ADGRG4: variants seen among roughly 807,000 people sequenced by gnomAD.
ADGRG4 encodes G protein-coupled receptor 112.
A neutral mutation model predicts 126.2 loss-of-function variants in ADGRG4; 122 were observed. That is an observed-to-expected ratio of 0.97 (90% CI 0.83 to 1.12). The LOEUF is 1.12. Among genes scored for constraint, ADGRG4 ranks in the 50% most tolerant of loss-of-function variants. The probability of loss-of-function intolerance (pLI) is 0.00; values close to 1 mark genes in which losing one functional copy is unlikely to be tolerated. For synonymous variants in ADGRG4, 943 were observed against 838.7 expected (o/e 1.12, Z -2.15); for missense variants, 2,481 against 2,251.8 (o/e 1.10, Z -2.06).
intron 5 of ADGRG4, among the ~76,000 whole-genome samples, chrX:136,333,453 C>A (rs1376127395): frequency 1.8e-5 from 2 of 110,970 alleles, no homozygotes; most frequent in Non-Finnish European, 1.9e-5. Flanking sequence ...TTGGGTATAT[C>A]TTTTGCAAAT....
At position 136,359,292 on chromosome X, in the gene ADGRG4, T is replaced by C. The variant is rs780275117; in HGVS notation, c.6981T>C (p.Ser2327=). 3.8e-5 allele frequency: 46 copies of C among 1,198,791 alleles called. No homozygotes were observed. The highest frequency in any genetic ancestry group is 4.7e-5 in the Non-Finnish European group (42 of 890,125). ...CTTTCTTTTTTATTCTGCTTTGTAGTTGTGTTTGTCAGGTCATCATAAAAG... is the reference window on the plus strand; with the variant it reads ...CTTTCTTTTTTATTCTGCTTTGTAGCTGTGTTTGTCAGGTCATCATAAAAG... ...EMATISYVPY[S]CVCQVIIKAS... is the part of the protein sequence containing the mutation. The change falls in exon 11 of 26, where the codon AGT becomes AGC. Residue 2327 remains serine, a splice_region_variant and synonymous_variant. Transcript: ENST00000394143.
In ADGRG4 at chrX:136,356,123, C is replaced by T. The variant is rs750128228; in HGVS notation, c.6888-3C>T. On this transcript the variant is annotated splice_region_variant and splice_polypyrimidine_tract_variant and intron_variant, in intron 8 of 25. Coordinates refer to ENST00000394143, the MANE Select transcript of ADGRG4 (RefSeq NM_153834.4). ...CTATAATTTTGTAATGCTTTTGATACAGGGACATTTCAGAGGAAGAGATGG... is the reference window on the plus strand; with the variant it reads ...CTATAATTTTGTAATGCTTTTGATATAGGGACATTTCAGAGGAAGAGATGG... 1 of 1,173,907 alleles carries T rather than the reference C, an allele frequency of 8.5e-7. No homozygotes were observed. The highest frequency in any genetic ancestry group is 1.2e-6 in the Non-Finnish European group (1 of 864,827).
At position 136,348,512 on chromosome X, in the gene ADGRG4, C is replaced by T. The variant is rs951652252; in HGVS notation, c.4806C>T (p.Thr1602=). Residue 1602 remains threonine (T), a synonymous_variant, in exon 6 of 26, where the codon ACC becomes ACT. Transcript: ENST00000394143. ...CAGTTACCCCCAGGACTACTATGAC[C>T]ATGCAAACATCTACATTGGATGTCA... ...LSSVTPRTTM[T]MQTSTLDVTP... The T allele has an allele frequency of 1.7e-6, 2 of 1,206,407 alleles. No homozygotes were observed. Among genetic ancestry groups the T allele is most frequent in the African/African-American group, 3.5e-5 (2 of 56,895 alleles).
chrX:136,386,695 A>C lies in ADGRG4; in HGVS notation c.7777-1045A>C, dbSNP rs554865633. ...AGAGTTGATAGAGAGATTAAATGGGAGAATGCAGGTAAGTGTGTCCACATA... is the reference window on the plus strand; with the variant it reads ...AGAGTTGATAGAGAGATTAAATGGGCGAATGCAGGTAAGTGTGTCCACATA... On this transcript the variant is annotated intron_variant, in intron 15 of 25. Transcript: ENST00000394143. Among the ~76,000 whole-genome samples, 25 of 112,013 alleles carry C rather than the reference A, an allele frequency of 2.2e-4. 1 individual carries two copies. In the South Asian group the frequency reaches 9.3e-3, roughly 42 times the overall value.
intron 15 of ADGRG4, among the ~76,000 whole-genome samples, chrX:136,382,165 C>T (rs2148487527): frequency 9.0e-6 from 1 of 111,258 alleles, no homozygotes; most frequent in Non-Finnish European, 1.9e-5. Context: ...ACATAATCTT[C>T]AAATAAAGAC....
intron 4 of ADGRG4, among the ~76,000 whole-genome samples, chrX:136,313,466 C>T (rs2074786228): frequency 8.9e-6 from 1 of 112,413 alleles, no homozygotes; most frequent in African/African-American, 3.2e-5. Flanking sequence ...AGCCTTTCAC[C>T]TGGGAAATTG....
intron 7 of ADGRG4, among the ~76,000 whole-genome samples, chrX:136,352,893 A>G (rs1217169026): frequency 8.9e-6 from 1 of 112,052 alleles, no homozygotes; most frequent in Non-Finnish European, 1.9e-5. Context: ...CTGGAAGTCT[A>G]AGATTAAAGT....
At chrX:136,317,310 C>G (rs1488307726) in intron 4 of ADGRG4, among the ~76,000 whole-genome samples, 1 of 108,908 alleles carries the variant, frequency 9.2e-6, no homozygotes, top group Non-Finnish European at 1.9e-5. Flanking sequence ...ACCATCCTGG[C>G]TAACATGGTG....
chrX:136,303,163 T>A (rs1313099291), intron 1 of ADGRG4, among the ~76,000 whole-genome samples: 1 of 111,824 alleles, frequency 8.9e-6, no homozygotes, highest in Non-Finnish European at 1.9e-5. Context: ...CTACAAAAAA[T>A]ACAAAAATTA....
intron 15 of ADGRG4, among the ~76,000 whole-genome samples, 166 bp from the exon 16 acceptor site, chrX:136,387,574 G>A (rs779771816): frequency 9.0e-6 from 1 of 111,534 alleles, no homozygotes; most frequent in South Asian, 3.8e-4. Context: ...CTTGGCCTGT[G>A]ACTGTGTGTG....
intron 15 of ADGRG4, among the ~76,000 whole-genome samples, chrX:136,386,028 T>A (rs775068550): frequency 9.0e-6 from 1 of 111,262 alleles, no homozygotes; most frequent in African/African-American, 3.3e-5. Flanking sequence ...AAAAAAAAAA[T>A]CAAAGTTTTA....
rs1456542998 is a variant in ADGRG4 at position 136,345,539 on chromosome X, T to C, written c.1833T>C (p.Asn611=). The C allele has an allele frequency of 3.3e-6, 4 of 1,209,832 alleles. No individual in the cohort carries two copies. The highest frequency in any genetic ancestry group is 2.2e-5 in the Admixed American group (1 of 45,848). The change falls in exon 6 of 26, where the codon AAT becomes AAC. Residue 611 remains asparagine (N), a synonymous_variant. Transcript: ENST00000394143. ...STITGRVYTQ[N]TPTADGHLLT... ...TCACAGGACGAGTTTACACCCAGAA[T>C]ACACCTACAGCTGATGGACACTTGC...
At chrX:136,383,203 C>T (rs946124377) in intron 15 of ADGRG4, among the ~76,000 whole-genome samples, 2 of 112,006 alleles carry the variant, frequency 1.8e-5, no homozygotes, top group Admixed American at 1.9e-4. Flanking sequence ...TTCCAATCAT[C>T]TTTGTTCTAT....
chrX:136,405,228 G>T (rs1378495524), intron 22 of ADGRG4, among the ~76,000 whole-genome samples: 1 of 109,032 alleles, frequency 9.2e-6, no homozygotes, highest in Non-Finnish European at 1.9e-5. Context: ...TCCATTCATT[G>T]CTCACATCCT....
Position 136,392,363 on chromosome X carries a change from T to C in ADGRG4, c.8034+9T>C. 1.7e-6 allele frequency: 2 copies of C among 1,143,078 alleles called. No homozygotes were observed. The highest frequency in any genetic ancestry group is 2.3e-6 in the Non-Finnish European group (2 of 855,685). 94.2% of individuals were successfully genotyped at this position (1,143,078 alleles called of 1,213,427 possible). On this transcript the variant is annotated intron_variant, in intron 17 of 25. Transcript: ENST00000394143. Reference sequence around the variant, plus strand: ...ATATTGGAGGAAACCAGGTAATATATCTATTTTCAGCTCAGAATCAAATGG... The same window carrying C: ...ATATTGGAGGAAACCAGGTAATATACCTATTTTCAGCTCAGAATCAAATGG...
At position 136,361,435 on chromosome X, in the gene ADGRG4, T is replaced by G; in HGVS notation, c.7145-20T>G. 9.0e-7 allele frequency: 1 copy of G among 1,105,715 alleles called. No homozygotes were observed. Among genetic ancestry groups the G allele is most frequent in the African/African-American group, 1.8e-5 (1 of 55,320 alleles). 91.1% of individuals were successfully genotyped at this position (1,105,715 alleles called of 1,213,427 possible). A position where few individuals can be genotyped will look rare whatever the true frequency, so the allele number is the denominator to read the frequency against. On this transcript the variant is annotated intron_variant, in intron 11 of 25. Coordinates refer to ENST00000394143, the MANE Select transcript of ADGRG4 (RefSeq NM_153834.4). ...TAAGTGCCTCTTGTCCTTTAAAATGTGCATACATTTTCTCTGTAGAGCCTG... is the reference window on the plus strand; with the variant it reads ...TAAGTGCCTCTTGTCCTTTAAAATGGGCATACATTTTCTCTGTAGAGCCTG...
In ADGRG4 at chrX:136,346,018, C is replaced by T. The variant is rs2075014360; in HGVS notation, c.2312C>T (p.Ala771Val). 2.0e-5 allele frequency: 24 copies of T among 1,205,258 alleles called. No homozygotes were observed. The highest frequency in any genetic ancestry group is 2.7e-5 in the Non-Finnish European group (24 of 890,578). The change falls in exon 6 of 26, where the codon GCA (alanine) becomes GTA (valine). Residue 771 changes from alanine (A) to valine (V), a missense_variant. Ala to Val is a moderately conservative substitution (Grantham distance 64, BLOSUM62 0). Coordinates refer to ENST00000394143, the MANE Select transcript of ADGRG4 (RefSeq NM_153834.4). ...LKTIPMSTKP[A>V]NELPLTPRET... is the part of the protein sequence containing the mutation. ...ACAATACCTATGTCTACAAAACCTG[C>T]AAATGAACTTCCTTTGACACCAAGG...
rs183805087 is a variant in ADGRG4, at chrX:136,330,931, G to C, written c.685+7539G>C. On this transcript the variant is annotated intron_variant, in intron 5 of 25. Coordinates refer to ENST00000394143, the MANE Select transcript of ADGRG4 (RefSeq NM_153834.4). Reference sequence around the variant, plus strand: ...AATCTAATAGTAGGTCTTAATAGTAGGTCTTATTCTTTCTAACTTTTTTTT... The same window carrying C: ...AATCTAATAGTAGGTCTTAATAGTACGTCTTATTCTTTCTAACTTTTTTTT... 2.4e-4 allele frequency among the ~76,000 whole-genome samples: 27 copies of C among 110,761 alleles called. No individual in the cohort carries two copies. The East Asian group carries it at 6.2e-3, about 26-fold the overall frequency.
chrX:136,346,279 T>G lies in ADGRG4; in HGVS notation c.2573T>G (p.Val858Gly). ...YLMRKSTIAA[V>G]AEVSPFSTML... ...ATGAGAAAATCAACTATAGCAGCAG[T>G]GGCTGAGGTTTCTCCATTTTCAACA... Residue 858 changes from valine (V) to glycine (G), a missense_variant, in exon 6 of 26, where the codon GTG becomes GGG. Val to Gly is a moderately radical substitution (Grantham distance 109). Coordinates refer to ENST00000394143, the MANE Select transcript of ADGRG4 (RefSeq NM_153834.4). 2.5e-6 allele frequency: 3 copies of G among 1,210,711 alleles called. No homozygotes were observed. Among genetic ancestry groups the G allele is most frequent in the Non-Finnish European group, 3.4e-6 (3 of 894,580 alleles).
Sources: allele counts gnomAD v4.1 joint callset (sites outside exome capture counted in the v4.1 genomes callset), GRCh38; gene constraint gnomAD v4.1.1; transcripts MANE v1.5; gene names NCBI Gene and HGNC (gene_info 2026-07-23, HGNC 2026-07-21).